The following CPA6 variants were observed in gnomAD, a reference collection of about 807,000 sequenced individuals.
CPA6 encodes carboxypeptidase B.
CPA6 carries 58 observed loss-of-function variants against 63.3 expected under a neutral mutation model. That is an observed-to-expected ratio of 0.92 (90% CI 0.74 to 1.14). The LOEUF is 1.14. Ranked by LOEUF, CPA6 falls within the 50% of genes most tolerant of loss-of-function variation. The pLI, the probability that CPA6 is intolerant of heterozygous loss-of-function variation, is 0.00. For missense variants in CPA6, 565 were observed against 526.6 expected (o/e 1.07, Z -0.71); for synonymous variants, 185 against 179.0 (o/e 1.03, Z -0.27).
chr8:67,521,640 G>A (rs572131564), intron 2 of CPA6, among the ~76,000 whole-genome samples: 44 of 152,314 alleles, frequency 2.9e-4, no homozygotes, highest in African/African-American at 4.1e-4. Flanking sequence ...GTTCAACTTC[G>A]TATGGTTAAG....
intron 2 of CPA6, among the ~76,000 whole-genome samples, chr8:67,531,920 T>C (rs1812485228): frequency 6.6e-6 from 1 of 152,150 alleles, no homozygotes; most frequent in African/African-American, 2.4e-5. Flanking sequence ...TATTTAGAAA[T>C]TAAAAACAGA....
At chr8:67,550,746 A>G (rs900510257) in intron 2 of CPA6, among the ~76,000 whole-genome samples, 2 of 152,066 alleles carry the variant, frequency 1.3e-5, no homozygotes, top group Non-Finnish European at 2.9e-5. Flanking sequence ...TTGGTGTGAG[A>G]TGATATCTCT....
At chr8:67,638,311 G>A (rs1405028468) in intron 1 of CPA6, among the ~76,000 whole-genome samples, 1 of 151,314 alleles carries the variant, frequency 6.6e-6, no homozygotes, top group Non-Finnish European at 1.5e-5. Flanking sequence ...CTTGGCTCTA[G>A]GTAGGAAAAA....
Position 67,422,570 on chromosome 8 carries a change from G to A in CPA6, c.1248C>T (p.Pro416=), listed in dbSNP as rs1393210377. 1 of 1,614,098 alleles carries A rather than the reference G, an allele frequency of 6.2e-7. No individual in the cohort carries two copies. The highest frequency in any genetic ancestry group is 1.1e-5 in the South Asian group (1 of 91,086). Reference sequence around the variant, plus strand: ...CAGCCAGCATAGTTTCTGTACAGGTGGGTTTGATGAGCATCTCTGGGAGTA... The same window carrying A: ...CAGCCAGCATAGTTTCTGTACAGGTAGGTTTGATGAGCATCTCTGGGAGTA... ...GFLLPEMLIK[P]TCTETMLAVK... The change falls in exon 11 of 11, where the codon CCC becomes CCT. Residue 416 remains proline, a synonymous_variant. Transcript: ENST00000297770.
intron 2 of CPA6, among the ~76,000 whole-genome samples, chr8:67,613,409 T>C (rs1814860541): frequency 6.6e-6 from 1 of 152,158 alleles, no homozygotes; most frequent in Non-Finnish European, 1.5e-5. Flanking sequence ...CAAAGATGAG[T>C]CAGACATCAG....
At chr8:67,532,955 A>T (rs1052265419) in intron 2 of CPA6, among the ~76,000 whole-genome samples, 9 of 152,176 alleles carry the variant, frequency 5.9e-5, no homozygotes, top group Non-Finnish European at 1.3e-4. Flanking sequence ...GGTGTTTTAG[A>T]TGTATACTTG....
chr8:67,608,946 G>C (rs1587629835), intron 2 of CPA6, among the ~76,000 whole-genome samples: 1 of 152,328 alleles, frequency 6.6e-6, no homozygotes. Flanking sequence ...GGAGAAGACA[G>C]AATTTTGTTG....
intron 1 of CPA6, among the ~76,000 whole-genome samples, chr8:67,706,388 A>G (rs533213409): frequency 5.3e-5 from 8 of 152,332 alleles, no homozygotes; most frequent in African/African-American, 1.9e-4. Flanking sequence ...AAAGTTGCTA[A>G]GAGTTAACAG....
chr8:67,496,429 C>A (rs1587492042), intron 6 of CPA6, among the ~76,000 whole-genome samples: 1 of 149,370 alleles, frequency 6.7e-6, no homozygotes, highest in East Asian at 2.0e-4. Flanking sequence ...GGATATAATT[C>A]ACACACCTTA....
Position 67,478,551 on chromosome 8 carries a change from A to G in CPA6, c.838+5217T>C, listed in dbSNP as rs548936010. Among the ~76,000 whole-genome samples the G allele has an allele frequency of 2.0e-5, 3 of 152,332 alleles. No individual in the cohort carries two copies. In the South Asian group the frequency reaches 6.2e-4, roughly 32 times the overall value. ...ACACTCACTTTAGGTAGATAGAGTC[A>G]GAATTGAATTGAATTATAAGACACC... On this transcript the variant is annotated intron_variant, in intron 8 of 10. Coordinates refer to ENST00000297770, the MANE Select transcript of CPA6 (RefSeq NM_020361.5).
At chr8:67,508,351 G>A (rs534257757) in intron 5 of CPA6, among the ~76,000 whole-genome samples, 56 of 152,096 alleles carry the variant, frequency 3.7e-4, no homozygotes, top group Non-Finnish European at 7.5e-4. Context: ...GGAGGAGAGG[G>A]ATGCCATTCT....
chr8:67,468,037 G>A (rs1241435119), intron 8 of CPA6, among the ~76,000 whole-genome samples: 3 of 151,616 alleles, frequency 2.0e-5, no homozygotes, highest in Non-Finnish European at 2.9e-5. Context: ...CAGCCTGGGC[G>A]ACAGAACGGG....
chr8:67,490,841 C>T (rs1198915729), intron 6 of CPA6, among the ~76,000 whole-genome samples: 1 of 143,374 alleles, frequency 7.0e-6, no homozygotes, highest in Non-Finnish European at 1.6e-5. Flanking sequence ...TTCGGATTTA[C>T]GTGGTTGGAT....
intron 2 of CPA6, among the ~76,000 whole-genome samples, chr8:67,579,105 T>C (rs1813698937): frequency 6.6e-6 from 1 of 152,200 alleles, no homozygotes. Context: ...CATTCCAACT[T>C]TCAACTTAAA....
chr8:67,448,664 G>GAAAAAA (rs1810487222), intron 8 of CPA6, among the ~76,000 whole-genome samples: 3 of 66,442 alleles, frequency 4.5e-5, no homozygotes, highest in East Asian at 3.9e-4. Context: ...AGGAAAGAAC[G>GAAAAAA]AAAAAGAAAA....
intron 2 of CPA6, among the ~76,000 whole-genome samples, chr8:67,601,765 T>C (rs770265669): frequency 6.6e-6 from 1 of 152,198 alleles, no homozygotes; most frequent in African/African-American, 2.4e-5. Flanking sequence ...GGAATTTTCA[T>C]ACATTTCTGG....
intron 8 of CPA6, among the ~76,000 whole-genome samples, chr8:67,482,543 CACA>C (rs1161389078): frequency 1.3e-5 from 2 of 152,186 alleles, no homozygotes; most frequent in Non-Finnish European, 2.9e-5. Flanking sequence ...TGCTCATCAT[CACA>C]ACATTCCCGT....
intron 6 of CPA6, among the ~76,000 whole-genome samples, chr8:67,492,392 A>AT (rs1462372521): frequency 2.0e-5 from 3 of 152,180 alleles, no homozygotes; most frequent in African/African-American, 7.2e-5. Flanking sequence ...GCCAAGGCAA[A>AT]TTTTTTATGA....
At chr8:67,433,518 G>A (rs558928281) in intron 9 of CPA6, among the ~76,000 whole-genome samples, 1 of 152,274 alleles carries the variant, frequency 6.6e-6, no homozygotes, top group African/African-American at 2.4e-5. Flanking sequence ...AGACTTAGTA[G>A]CATTAAGCAA....
Sources: allele counts gnomAD v4.1 joint callset (sites outside exome capture counted in the v4.1 genomes callset), GRCh38; gene constraint gnomAD v4.1.1; transcripts MANE v1.5; gene names NCBI Gene and HGNC (gene_info 2026-07-23, HGNC 2026-07-21).